The following DGKB variants were observed in gnomAD, a reference collection of about 807,000 sequenced individuals.
DGKB encodes diacylglycerol kinase beta.
DGKB carries 67 observed loss-of-function variants against 114.3 expected under a neutral mutation model. The ratio of observed to expected loss-of-function variants is 0.59; its 90% CI spans 0.48 to 0.72. The LOEUF (loss-of-function observed/expected upper bound fraction) is 0.72, where lower values mean the gene tolerates loss of function less well. Among genes scored for constraint, DGKB ranks in the 30% least tolerant of loss-of-function variants. The pLI, the probability that DGKB is intolerant of heterozygous loss-of-function variation, is 0.00. For synonymous variants in DGKB, 398 were observed against 323.1 expected (o/e 1.23, Z -2.49); for missense variants, 907 against 975.2 (o/e 0.93, Z 0.93).
intron 16 of DGKB, among the ~76,000 whole-genome samples, chr7:14,608,700 G>C (rs142474244): frequency 1.3e-5 from 2 of 151,766 alleles, no homozygotes; most frequent in African/African-American, 2.4e-5. Flanking sequence ...CCACCAAAAG[G>C]CTGTTAGAAC....
intron 17 of DGKB, among the ~76,000 whole-genome samples, chr7:14,595,382 T>C (rs1043068423): frequency 1.3e-5 from 2 of 151,916 alleles, no homozygotes; most frequent in Admixed American, 6.6e-5. Flanking sequence ...AGTTTAGTAA[T>C]AGACATGTAG....
At chr7:14,259,903 T>C (rs1274592728) in intron 23 of DGKB, among the ~76,000 whole-genome samples, 1 of 152,170 alleles carries the variant, frequency 6.6e-6, no homozygotes, top group Non-Finnish European at 1.5e-5. Flanking sequence ...ACCATTTCTC[T>C]TTTTACCTCT....
chr7:14,772,498 C>T lies in DGKB; in HGVS notation c.71-14767G>A, dbSNP rs576703240. Among the ~76,000 whole-genome samples the T allele has an allele frequency of 2.0e-5, 3 of 152,232 alleles. No homozygotes were observed. In the East Asian group the frequency reaches 5.8e-4, roughly 29 times the overall value. ...AATGTTGAAGAATTTTTATGAAATA[C>T]ACTTACAGAAAAGAATTACTAAACT... On this transcript the variant is annotated intron_variant, in intron 2 of 25. Coordinates refer to ENST00000402815, the MANE Select transcript of DGKB (RefSeq NM_001350709.2).
At chr7:14,310,172 C>A (rs944313125) in intron 23 of DGKB, among the ~76,000 whole-genome samples, 3 of 152,034 alleles carry the variant, frequency 2.0e-5, no homozygotes, top group African/African-American at 7.2e-5. Flanking sequence ...AAATATAATC[C>A]AAAGGATGGA....
rs1360580993 is a variant in DGKB, at chr7:14,784,428, T to G, written c.71-26697A>C. 2.0e-5 allele frequency among the ~76,000 whole-genome samples: 3 copies of G among 148,846 alleles called. No homozygotes were observed. In the Admixed American group the frequency reaches 2.0e-4, roughly 10 times the overall value. ...TGTAGCCCAGGCTGGAAGGCAGTGG[T>G]TCGATCTTGGCTCAATGCAGCCTCT... is the stretch of plus-strand genomic sequence containing the variant. On this transcript the variant is annotated intron_variant, in intron 2 of 25. Coordinates refer to ENST00000402815, the MANE Select transcript of DGKB (RefSeq NM_001350709.2).
intron 2 of DGKB, among the ~76,000 whole-genome samples, chr7:14,839,822 TAGA>T (rs765780989): frequency 6.6e-6 from 1 of 150,864 alleles, no homozygotes. Flanking sequence ...TCAATAGTCA[TAGA>T]CTTTTTTTAG....
At chr7:14,921,899 A>G (rs189624472) in intron 1 of DGKB, among the ~76,000 whole-genome samples, 15 of 152,300 alleles carry the variant, frequency 9.8e-5, no homozygotes, top group Non-Finnish European at 7.4e-5. Context: ...CAGTATAGAA[A>G]AGCTTTTCTT....
At chr7:14,889,920 G>T (rs1464892868) in intron 1 of DGKB, among the ~76,000 whole-genome samples, 5 of 151,378 alleles carry the variant, frequency 3.3e-5, no homozygotes, top group Admixed American at 3.3e-4. Flanking sequence ...TGATTGGCCT[G>T]GGATAAATAT....
chr7:14,747,161 G>T (rs1268270782), intron 4 of DGKB, among the ~76,000 whole-genome samples: 8 of 150,394 alleles, frequency 5.3e-5, no homozygotes, highest in African/African-American at 2.0e-4. Context: ...ATTAGATAGG[G>T]CTTGCAATGT....
chr7:14,316,510 A>G (rs1173524127), intron 23 of DGKB, among the ~76,000 whole-genome samples: 1,463 of 131,580 alleles, frequency 0.011, 29 homozygotes, highest in African/African-American at 0.041. Flanking sequence ...AAACACCTCT[A>G]CGCAAATAAA....
chr7:14,681,033 T>G (rs1456831568), intron 12 of DGKB, among the ~76,000 whole-genome samples: 3 of 151,906 alleles, frequency 2.0e-5, no homozygotes, highest in African/African-American at 7.3e-5. Context: ...CAGTGAAATA[T>G]TCACTATATG....
intron 2 of DGKB, among the ~76,000 whole-genome samples, chr7:14,768,708 C>A (rs559597146): frequency 1.3e-5 from 2 of 152,086 alleles, no homozygotes; most frequent in South Asian, 4.1e-4. Context: ...TACAATGTGA[C>A]AATCAATCTT....
chr7:14,679,758 C>T (rs1377763997), intron 12 of DGKB, among the ~76,000 whole-genome samples: 1 of 151,972 alleles, frequency 6.6e-6, no homozygotes, highest in Non-Finnish European at 1.5e-5. Flanking sequence ...GTAGTAGATA[C>T]TCATCAGTCA....
At chr7:14,262,835 A>G (rs996465557) in intron 23 of DGKB, among the ~76,000 whole-genome samples, 4 of 152,324 alleles carry the variant, frequency 2.6e-5, no homozygotes, top group African/African-American at 9.6e-5. Flanking sequence ...TAACTGGGCC[A>G]GCAGCAGTAA....
intron 20 of DGKB, among the ~76,000 whole-genome samples, chr7:14,489,685 T>G (rs10260921): frequency 6.6e-6 from 1 of 151,998 alleles, no homozygotes; most frequent in Non-Finnish European, 1.5e-5. Flanking sequence ...TAAACTGAAG[T>G]GGGGAATGAC....
chr7:14,829,967 T>C (rs886955410), intron 2 of DGKB, among the ~76,000 whole-genome samples: 3 of 152,012 alleles, frequency 2.0e-5, no homozygotes, highest in African/African-American at 7.2e-5. Context: ...TATCATCTGA[T>C]ACCTAGGAAG....
At chr7:14,375,990 C>A (rs769075217) in intron 21 of DGKB, among the ~76,000 whole-genome samples, 4 of 152,210 alleles carry the variant, frequency 2.6e-5, no homozygotes, top group Admixed American at 6.5e-5. Flanking sequence ...AGAATGCTTT[C>A]ATTTTAGTTT....
chr7:14,570,709 G>A (rs1798255938), intron 20 of DGKB, among the ~76,000 whole-genome samples: 1 of 152,028 alleles, frequency 6.6e-6, no homozygotes, highest in Admixed American at 6.6e-5. Flanking sequence ...TTCAGATTGA[G>A]TAAGTTAAAG....
intron 12 of DGKB, among the ~76,000 whole-genome samples, chr7:14,675,245 C>G (rs939657000): frequency 4.6e-5 from 7 of 152,086 alleles, no homozygotes; most frequent in African/African-American, 1.7e-4. Context: ...CATACTGAGT[C>G]TTATGCCAAC....
Sources: allele counts gnomAD v4.1 joint callset (sites outside exome capture counted in the v4.1 genomes callset), GRCh38; gene constraint gnomAD v4.1.1; transcripts MANE v1.5; gene names NCBI Gene and HGNC (gene_info 2026-07-23, HGNC 2026-07-21).